EPB41L4A: variants seen among roughly 807,000 people sequenced by gnomAD.
The protein encoded by EPB41L4A is band 4.1-like protein 4A.
A neutral mutation model predicts 108.6 loss-of-function variants in EPB41L4A; 100 were observed. The ratio of observed to expected loss-of-function variants is 0.92; its 90% CI spans 0.78 to 1.09. The LOEUF is 1.09. Among genes scored for constraint, EPB41L4A ranks in the 50% least tolerant of loss-of-function variants. The probability of loss-of-function intolerance (pLI) is 0.00; values close to 1 mark genes in which losing one functional copy is unlikely to be tolerated. For missense variants in EPB41L4A, 1,030 were observed against 842.7 expected (o/e 1.22, Z -2.75); for synonymous variants, 319 against 289.0 (o/e 1.10, Z -1.05).
chr5:112,288,452 C>G (rs1019726269), intron 2 of EPB41L4A, among the ~76,000 whole-genome samples: 1 of 152,150 alleles, frequency 6.6e-6, no homozygotes, highest in Non-Finnish European at 1.5e-5. Flanking sequence ...CAAATACACA[C>G]TACTTTTTAT....
intron 7 of EPB41L4A, 78 bp from the exon 8 acceptor site, chr5:112,260,057 A>G: frequency 1.9e-6 from 2 of 1,044,146 alleles, no homozygotes; most frequent in Non-Finnish European, 2.9e-6. Context: ...CCATACAAAT[A>G]TAATTTGTTA....
At chr5:112,402,711 G>A (rs1251129087) in intron 1 of EPB41L4A, among the ~76,000 whole-genome samples, 1 of 152,114 alleles carries the variant, frequency 6.6e-6, no homozygotes, top group Admixed American at 6.6e-5. Context: ...CACCAGATGG[G>A]AAGCATTTCA....
At chr5:112,322,701 C>CAG (rs756404109) in intron 1 of EPB41L4A, among the ~76,000 whole-genome samples, 1 of 134,432 alleles carries the variant, frequency 7.4e-6, no homozygotes, top group Non-Finnish European at 1.6e-5. Context: ...CACTATGAGA[C>CAG]ACACACACAC....
intron 18 of EPB41L4A, among the ~76,000 whole-genome samples, chr5:112,172,626 TG>T (rs961336764): frequency 2.0e-5 from 3 of 152,150 alleles, no homozygotes; most frequent in African/African-American, 7.2e-5. Flanking sequence ...CTAGATAATA[TG>T]TTAACCCCAT....
At chr5:112,181,857 G>T (rs1451639797) in intron 18 of EPB41L4A, among the ~76,000 whole-genome samples, 1 of 152,144 alleles carries the variant, frequency 6.6e-6, no homozygotes, top group Non-Finnish European at 1.5e-5. Flanking sequence ...TGGATCACTG[G>T]AGGTCAGGAG....
intron 1 of EPB41L4A, among the ~76,000 whole-genome samples, chr5:112,323,380 A>C (rs1379689631): frequency 2.0e-5 from 3 of 152,238 alleles, no homozygotes; most frequent in Non-Finnish European, 2.9e-5. Context: ...CTGTAACCAC[A>C]CATCTTACTA....
intron 11 of EPB41L4A, among the ~76,000 whole-genome samples, chr5:112,237,278 C>T (rs1187467395): frequency 6.6e-6 from 1 of 152,146 alleles, no homozygotes; most frequent in Non-Finnish European, 1.5e-5. Flanking sequence ...TTCAGCTCAG[C>T]CTTTCCTCAC....
chr5:112,293,400 G>A (rs944729499), intron 2 of EPB41L4A, among the ~76,000 whole-genome samples: 1 of 129,458 alleles, frequency 7.7e-6, no homozygotes, highest in African/African-American at 3.4e-5. Flanking sequence ...TGGTGAAGAA[G>A]GCATTGGGTG....
chr5:112,417,310 G>A (rs62365256), intron 1 of EPB41L4A, among the ~76,000 whole-genome samples: 29 of 152,282 alleles, frequency 1.9e-4, no homozygotes, highest in East Asian at 3.9e-4. Flanking sequence ...CAGCTGATAG[G>A]CATGACTTTG....
intron 1 of EPB41L4A, among the ~76,000 whole-genome samples, chr5:112,368,955 C>G (rs1280127868): frequency 6.6e-6 from 1 of 152,182 alleles, no homozygotes; most frequent in African/African-American, 2.4e-5. Flanking sequence ...TTCTCATACT[C>G]TCCATGCTCT....
chr5:112,274,715 G>A (rs994196294), intron 4 of EPB41L4A, among the ~76,000 whole-genome samples: 4 of 152,170 alleles, frequency 2.6e-5, no homozygotes, highest in Admixed American at 2.6e-4. Context: ...TAACTGGTCT[G>A]TTCCTTATGA....
intron 2 of EPB41L4A, among the ~76,000 whole-genome samples, chr5:112,303,438 A>C (rs1330568772): frequency 6.6e-6 from 1 of 152,198 alleles, no homozygotes; most frequent in Non-Finnish European, 1.5e-5. Flanking sequence ...GTAGCACTAA[A>C]TGTGTGGGCC....
chr5:112,306,813 T>C (rs1580651703), intron 2 of EPB41L4A, among the ~76,000 whole-genome samples: 2 of 146,622 alleles, frequency 1.4e-5, no homozygotes, highest in African/African-American at 5.3e-5. Flanking sequence ...TACTCCGGAC[T>C]GGAAGACCCT....
chr5:112,403,588 C>T (rs1464960749), intron 1 of EPB41L4A, among the ~76,000 whole-genome samples: 1 of 152,152 alleles, frequency 6.6e-6, no homozygotes, highest in Non-Finnish European at 1.5e-5. Flanking sequence ...CCCACCTCAG[C>T]CTACAGAGTA....
At chr5:112,171,645 T>C (rs1760588056) in intron 18 of EPB41L4A, among the ~76,000 whole-genome samples, 1 of 152,246 alleles carries the variant, frequency 6.6e-6, no homozygotes, top group Non-Finnish European at 1.5e-5. Flanking sequence ...TATACCACTA[T>C]CTTTAACTTC....
chr5:112,346,273 T>C (rs1275555832), intron 1 of EPB41L4A, among the ~76,000 whole-genome samples: 1 of 137,368 alleles, frequency 7.3e-6, no homozygotes, highest in African/African-American at 2.6e-5. Context: ...TCGTCTAGGC[T>C]GGAGTGCAGT....
intron 1 of EPB41L4A, among the ~76,000 whole-genome samples, chr5:112,314,198 G>A (rs760324303): frequency 6.6e-6 from 1 of 151,806 alleles, no homozygotes; most frequent in Non-Finnish European, 1.5e-5. Flanking sequence ...TGAGCCTTTT[G>A]AACAGGTAGA....
chr5:112,155,481 G>A (rs1759616026), intron 12 of EPB41L4A, among the ~76,000 whole-genome samples: 2 of 152,064 alleles, frequency 1.3e-5, no homozygotes, highest in South Asian at 4.1e-4. Flanking sequence ...CAGTGACAGG[G>A]ATGTTCCACA....
intron 1 of EPB41L4A, among the ~76,000 whole-genome samples, chr5:112,342,676 T>C (rs1757390823): frequency 1.3e-5 from 2 of 152,072 alleles, no homozygotes; most frequent in African/African-American, 4.8e-5. Context: ...CCACCTGGGT[T>C]GAAGAAGTAA....
Sources: allele counts gnomAD v4.1 joint callset (sites outside exome capture counted in the v4.1 genomes callset), GRCh38; gene constraint gnomAD v4.1.1; transcripts MANE v1.5; gene names NCBI Gene and HGNC (gene_info 2026-07-23, HGNC 2026-07-21).